MTUS2: variants seen among roughly 807,000 people sequenced by gnomAD.
MTUS2 encodes microtubule associated scaffold protein 2, also known as microtubule-associated tumor suppressor candidate 2.
Under a neutral mutation model 114.1 loss-of-function variants are expected in MTUS2, and 40 were observed. The ratio of observed to expected loss-of-function variants is 0.35; its 90% CI spans 0.27 to 0.46. MTUS2 has a LOEUF of 0.46. MTUS2 is among the 20% of genes least tolerant of loss of function. The pLI is 1.00. For missense variants in MTUS2, 1,679 were observed against 1,705.4 expected, an observed-to-expected ratio of 0.98 and a Z score of 0.27; for synonymous variants, 688 against 672.0, an observed-to-expected ratio of 1.02 and a Z score of -0.37.
chr13:28,886,539 A>C (rs189746173), intron 2 of MTUS2, among the ~76,000 whole-genome samples: 1 of 151,954 alleles, frequency 6.6e-6, no homozygotes, highest in African/African-American at 2.4e-5. Context: ...AGGGAAAGAG[A>C]TGAAGTTGTG....
chr13:29,489,460 A>C (rs1363640710), intron 11 of MTUS2, among the ~76,000 whole-genome samples: 1 of 152,204 alleles, frequency 6.6e-6, no homozygotes, highest in African/African-American at 2.4e-5. Context: ...ACTATTAGTA[A>C]GTGACCAAGC....
intron 4 of MTUS2, among the ~76,000 whole-genome samples, chr13:29,055,743 G>A (rs1888104583): frequency 6.6e-6 from 1 of 151,982 alleles, no homozygotes; most frequent in South Asian, 2.1e-4. Context: ...TTTAGTAATT[G>A]CCATTCTAAC....
rs1223572563 is a variant in MTUS2, at chr13:28,894,279, T to TG, written c.-243+54440dup. The stretch of plus-strand genomic sequence containing the variant: ...TCCTTATAAGAAGAAGGAGAGTTGG[T>TG]GGGGGGGGGGGAGAGAGAGAGAGAG... On this transcript the variant is annotated intron_variant, in intron 2 of 15. Transcript: ENST00000612955. 1.8e-3 allele frequency among the ~76,000 whole-genome samples: 32 copies of TG among 17,408 alleles called. 2 individuals carry two copies. The highest frequency in any genetic ancestry group is 5.5e-3 in the African/African-American group (11 of 2,018). The allele number at this position is 17,408 out of a possible 152,430, so 11.4% of individuals were successfully genotyped here.
At chr13:28,972,270 T>C (rs958723145) in intron 2 of MTUS2, among the ~76,000 whole-genome samples, 1 of 152,176 alleles carries the variant, frequency 6.6e-6, no homozygotes, top group Non-Finnish European at 1.5e-5. Flanking sequence ...ACAGGTACAA[T>C]AACAAATGGC....
intron 6 of MTUS2, among the ~76,000 whole-genome samples, chr13:29,319,189 G>A (rs980454289): frequency 6.6e-6 from 1 of 152,162 alleles, no homozygotes; most frequent in Non-Finnish European, 1.5e-5. Flanking sequence ...GTATTATTCA[G>A]CTCTTTTTTG....
chr13:28,953,762 A>G (rs1882924803), intron 2 of MTUS2, among the ~76,000 whole-genome samples: 1 of 152,142 alleles, frequency 6.6e-6, no homozygotes. Flanking sequence ...CTTATTTTTG[A>G]CATCTAGCCT....
intron 2 of MTUS2, among the ~76,000 whole-genome samples, chr13:28,884,748 C>T (rs373019324): frequency 3.3e-5 from 5 of 152,010 alleles, no homozygotes; most frequent in African/African-American, 7.3e-5. Context: ...AGAAGCTGGG[C>T]GAAATGTACA....
intron 8 of MTUS2, among the ~76,000 whole-genome samples, chr13:29,430,023 T>C (rs185298969): frequency 7.9e-5 from 12 of 152,318 alleles, no homozygotes; most frequent in Admixed American, 7.8e-4. Flanking sequence ...GAGTATGAAC[T>C]AAAATATTTA....
At chr13:29,314,486 A>G (rs527443790) in intron 6 of MTUS2, among the ~76,000 whole-genome samples, 2 of 152,332 alleles carry the variant, frequency 1.3e-5, no homozygotes, top group South Asian at 4.1e-4. Flanking sequence ...GTACAACTGT[A>G]TTGCAATGAT....
chr13:29,261,572 A>G lies in MTUS2; in HGVS notation c.2645-20132A>G, dbSNP rs188022378. Reference sequence around the variant, plus strand: ...TTTTAGAACAGAAAAAATCCAAGCTACAGAAATAGAGCACCTAAACTTTCT... The same window carrying G: ...TTTTAGAACAGAAAAAATCCAAGCTGCAGAAATAGAGCACCTAAACTTTCT... On this transcript the variant is annotated intron_variant, in intron 5 of 15. Transcript: ENST00000612955. Among the ~76,000 whole-genome samples the G allele has an allele frequency of 3.7e-4, 57 of 152,352 alleles. 2 individuals are homozygous for G. In the East Asian group the frequency reaches 7.7e-3, roughly 21 times the overall value.
intron 5 of MTUS2, among the ~76,000 whole-genome samples, chr13:29,180,138 G>A (rs1893936191): frequency 6.6e-6 from 1 of 152,168 alleles, no homozygotes; most frequent in African/African-American, 2.4e-5. Flanking sequence ...TCTTCTAAGG[G>A]GTTGAATAAT....
chr13:29,013,620 A>T (rs1463185862), intron 2 of MTUS2, among the ~76,000 whole-genome samples: 1 of 152,232 alleles, frequency 6.6e-6, no homozygotes, highest in Non-Finnish European at 1.5e-5. Flanking sequence ...CCGGGCAATA[A>T]CAAGGAACTA....
intron 2 of MTUS2, among the ~76,000 whole-genome samples, chr13:28,900,296 C>T (rs1009464208): frequency 1.3e-5 from 2 of 151,324 alleles, no homozygotes; most frequent in Non-Finnish European, 3.0e-5. Context: ...TTACCTGTAG[C>T]TGTGTGTGTG....
chr13:28,831,387 A>G (rs924883747), intron 1 of MTUS2, among the ~76,000 whole-genome samples: 2 of 152,238 alleles, frequency 1.3e-5, no homozygotes, highest in Admixed American at 6.5e-5. Flanking sequence ...ACTCAACTAT[A>G]TGCCATTCAC....
chr13:29,112,463 A>G (rs1487477848), intron 5 of MTUS2, among the ~76,000 whole-genome samples: 1 of 152,170 alleles, frequency 6.6e-6, no homozygotes, highest in Non-Finnish European at 1.5e-5. Flanking sequence ...AGTGAGTTTA[A>G]CAAAATGTAT....
At chr13:29,052,041 G>A (rs1887920483) in intron 4 of MTUS2, among the ~76,000 whole-genome samples, 1 of 152,166 alleles carries the variant, frequency 6.6e-6, no homozygotes, top group Non-Finnish European at 1.5e-5. Flanking sequence ...AATAGACACA[G>A]CACTGTCAGC....
At chr13:29,183,149 A>C (rs1309683217) in intron 5 of MTUS2, among the ~76,000 whole-genome samples, 1 of 152,172 alleles carries the variant, frequency 6.6e-6, no homozygotes, top group Admixed American at 6.5e-5. Flanking sequence ...TGTGAGGATG[A>C]ATTGTACCAC....
intron 2 of MTUS2, among the ~76,000 whole-genome samples, chr13:28,974,336 A>C (rs1883990286): frequency 6.6e-6 from 1 of 152,234 alleles, no homozygotes; most frequent in African/African-American, 2.4e-5. Context: ...TAAAATACTG[A>C]GCCACGTTTT....
At chr13:29,014,736 A>G (rs1885993335) in intron 2 of MTUS2, among the ~76,000 whole-genome samples, 1 of 152,216 alleles carries the variant, frequency 6.6e-6, no homozygotes, top group Non-Finnish European at 1.5e-5. Flanking sequence ...GAGTGAGGGA[A>G]GTTTCACAGT....
Sources: allele counts gnomAD v4.1 joint callset (sites outside exome capture counted in the v4.1 genomes callset), GRCh38; gene constraint gnomAD v4.1.1; transcripts MANE v1.5; gene names NCBI Gene and HGNC (gene_info 2026-07-23, HGNC 2026-07-21).